Variants in EPHB2 observed in about 807,000 individuals in gnomAD.
The protein encoded by EPHB2 is EPH receptor B2, also known as ephrin type-B receptor 2.
Under a neutral mutation model 96.4 loss-of-function variants are expected in EPHB2, and 18 were observed. The observed-to-expected ratio is 0.19, with a 90% CI of 0.13 to 0.28. EPHB2 has a LOEUF of 0.28. EPHB2 is among the 10% of genes least tolerant of loss of function. The pLI is 1.00. For synonymous variants in EPHB2, 506 were observed against 534.1 expected (o/e 0.95, Z 0.72); for missense variants, 989 against 1,355.4 (o/e 0.73, Z 4.25).
chr1:22,714,664 A>G (rs1643245772), intron 1 of EPHB2, among the ~76,000 whole-genome samples: 1 of 152,190 alleles, frequency 6.6e-6, no homozygotes, highest in African/African-American at 2.4e-5. Context: ...ACCTGGCCAG[A>G]TTCATGCTTG....
At position 22,775,941 on chromosome 1, in the gene EPHB2, C is replaced by T. The variant is rs187950378; in HGVS notation, c.62-5480C>T. Among the ~76,000 whole-genome samples, 426 of 152,320 alleles carry T rather than the reference C, an allele frequency of 2.8e-3. 1 individual carries two copies. Among genetic ancestry groups the T allele is most frequent in the African/African-American group, 8.3e-3 (346 of 41,568 alleles). ...AAGGTCTGGGAACCGGACATTTCAACAGGGTGGGAGGGCCTAAGGGCAGGT... is the reference window on the plus strand; with the variant it reads ...AAGGTCTGGGAACCGGACATTTCAATAGGGTGGGAGGGCCTAAGGGCAGGT... On this transcript the variant is annotated intron_variant, in intron 1 of 15. Transcript: ENST00000374630.
intron 3 of EPHB2, among the ~76,000 whole-genome samples, chr1:22,810,437 C>T (rs1041762586): frequency 1.3e-5 from 2 of 152,216 alleles, no homozygotes; most frequent in African/African-American, 4.8e-5. Context: ...CTGTCTGGCA[C>T]CACCCCACAT....
At chr1:22,781,976 CTA>C (rs1448445796) in intron 2 of EPHB2, among the ~76,000 whole-genome samples, 1 of 152,154 alleles carries the variant, frequency 6.6e-6, no homozygotes, top group Non-Finnish European at 1.5e-5. Flanking sequence ...GTATTCAGGA[CTA>C]TGACTGAGCT....
chr1:22,764,955 G>A (rs1644287156), intron 1 of EPHB2, among the ~76,000 whole-genome samples: 2 of 152,220 alleles, frequency 1.3e-5, no homozygotes, highest in Non-Finnish European at 2.9e-5. Context: ...GGCTGCGGTT[G>A]GGGCAGATGC....
At chr1:22,728,867 T>A (rs4655093) in intron 1 of EPHB2, among the ~76,000 whole-genome samples, 4 of 152,006 alleles carry the variant, frequency 2.6e-5, no homozygotes, top group Non-Finnish European at 5.9e-5. Flanking sequence ...ATTGGCCTCC[T>A]TGCAAATCCG....
chr1:22,780,849 G>C (rs1644519124), intron 1 of EPHB2, among the ~76,000 whole-genome samples: 1 of 152,166 alleles, frequency 6.6e-6, no homozygotes, highest in Non-Finnish European at 1.5e-5. Context: ...GGTGGACTTG[G>C]CCTGGAGGGG....
At chr1:22,756,565 A>T (rs901566133) in intron 1 of EPHB2, among the ~76,000 whole-genome samples, 2 of 151,748 alleles carry the variant, frequency 1.3e-5, no homozygotes, top group Admixed American at 1.3e-4. Context: ...CTGCAGATTT[A>T]TGAGGTGTGG....
At chr1:22,891,205 A>G (rs1639377687) in intron 6 of EPHB2, 2 of 456,066 alleles carry the variant, frequency 4.4e-6, no homozygotes, top group Non-Finnish European at 8.8e-6. Context: ...TTTGAACCCA[A>G]GAAGTCTGGC....
chr1:22,879,549 C>T (rs1335838110), intron 5 of EPHB2, among the ~76,000 whole-genome samples: 1 of 152,204 alleles, frequency 6.6e-6, no homozygotes, highest in Admixed American at 6.5e-5. Flanking sequence ...TGCTTTGAGA[C>T]CCAGAGGGGG....
intron 3 of EPHB2, among the ~76,000 whole-genome samples, chr1:22,839,486 G>T (rs552443320): frequency 6.6e-6 from 1 of 152,292 alleles, no homozygotes; most frequent in African/African-American, 2.4e-5. Context: ...AAGTCAAAGG[G>T]GAAGTAATTG....
chr1:22,846,503 G>A lies in EPHB2; in HGVS notation c.812-16534G>A, dbSNP rs1027416779. Reference sequence around the variant, plus strand: ...TGATTTCTCCAGAGGTTCACAGACCGCCCTGCCAAAGACAGAACTGCCCGA... The same window carrying A: ...TGATTTCTCCAGAGGTTCACAGACCACCCTGCCAAAGACAGAACTGCCCGA... On this transcript the variant is annotated intron_variant, in intron 3 of 15. Coordinates refer to ENST00000374630, the MANE Select transcript of EPHB2 (RefSeq NM_017449.5). The surrounding 1 kb of genome is among the most constrained non-coding windows in gnomAD (Gnocchi z 4.3). 7.9e-5 allele frequency among the ~76,000 whole-genome samples: 12 copies of A among 151,842 alleles called. No individual in the cohort carries two copies. Among genetic ancestry groups the A allele is most frequent in the East Asian group, 1.9e-4 (1 of 5,172 alleles).
intron 1 of EPHB2, among the ~76,000 whole-genome samples, chr1:22,720,785 G>T (rs1029537188): frequency 1.3e-5 from 2 of 151,696 alleles, no homozygotes; most frequent in Admixed American, 1.3e-4. Context: ...ATAGATATTA[G>T]ATAGATGTTT....
intron 3 of EPHB2, 53 bp from the exon 4 acceptor site, chr1:22,862,984 C>T: frequency 1.2e-6 from 2 of 1,613,258 alleles, no homozygotes; most frequent in East Asian, 4.5e-5. Context: ...GGCTCGTGAC[C>T]TCTCTGAGTC....
chr1:22,888,046 G>T (rs186703682), intron 6 of EPHB2, among the ~76,000 whole-genome samples: 612 of 151,796 alleles, frequency 4.0e-3, no homozygotes, highest in Middle Eastern at 6.8e-3. Context: ...TTTTTTGGGG[G>T]TTTTTTTTGT....
chr1:22,859,505 T>C (rs1645759536), intron 3 of EPHB2, among the ~76,000 whole-genome samples: 1 of 152,042 alleles, frequency 6.6e-6, no homozygotes, highest in Admixed American at 6.6e-5. Context: ...ATTTAAATTG[T>C]ACAAATAAGG....
At chr1:22,785,179 G>A in intron 3 of EPHB2, 103 bp downstream of exon 3, 2 of 1,421,604 alleles carry the variant, frequency 1.4e-6, no homozygotes, top group Non-Finnish European at 9.5e-7. Flanking sequence ...GCTTAGAGCT[G>A]ACCATGAGGC....
chr1:22,912,352 A>C, intron 14 of EPHB2, 92 bp from the exon 15 acceptor site: 1 of 1,555,598 alleles, frequency 6.4e-7, no homozygotes, highest in South Asian at 1.1e-5. Flanking sequence ...GCACACGTGC[A>C]CATTCACGCA....
At chr1:22,830,276 G>A (rs1434124296) in intron 3 of EPHB2, among the ~76,000 whole-genome samples, 2 of 152,124 alleles carry the variant, frequency 1.3e-5, no homozygotes, top group African/African-American at 2.4e-5. Flanking sequence ...GGAGAGGGGC[G>A]GTTCGCAGAC....
intron 1 of EPHB2, among the ~76,000 whole-genome samples, chr1:22,750,048 C>G (rs1242406023): frequency 6.6e-6 from 1 of 152,142 alleles, no homozygotes; most frequent in Non-Finnish European, 1.5e-5. Context: ...GCCCCCAAGG[C>G]CCCCTGAAGA....
Sources: gnomAD v4.1 joint callset for allele counts (sites outside exome capture counted in the v4.1 genomes callset) on GRCh38, gnomAD v4.1.1 for gene constraint, Gnocchi (gnomAD v3.1) non-coding constraint, MANE v1.5 for transcripts, NCBI Gene and HGNC (gene_info 2026-07-23, HGNC 2026-07-21) for gene names.